Variants in TPO observed in about 807,000 individuals in gnomAD.
TPO encodes thyroid peroxidase.
TPO carries 78 observed loss-of-function variants against 96.9 expected under a neutral mutation model. That is an observed-to-expected ratio of 0.81 (90% CI 0.67 to 0.97). The LOEUF (loss-of-function observed/expected upper bound fraction) is 0.97, where lower values mean the gene tolerates loss of function less well. TPO is among the 50% of genes least tolerant of loss of function. The probability of loss-of-function intolerance (pLI) is 0.00; values close to 1 mark genes in which losing one functional copy is unlikely to be tolerated. For synonymous variants in TPO, 547 were observed against 538.0 expected, an observed-to-expected ratio of 1.02 and a Z score of -0.23; for missense variants, 1,252 against 1,274.8, an observed-to-expected ratio of 0.98 and a Z score of 0.27.
chr2:1,505,996 A>T (rs1368730669), intron 14 of TPO, among the ~76,000 whole-genome samples: 1 of 133,848 alleles, frequency 7.5e-6, no homozygotes, highest in Non-Finnish European at 1.7e-5. Flanking sequence ...ATATCTCCTA[A>T]TTTAACATTT....
At chr2:1,524,565 AC>A (rs1339913654) in intron 15 of TPO, among the ~76,000 whole-genome samples, 3 of 65,458 alleles carry the variant, frequency 4.6e-5, no homozygotes, top group African/African-American at 1.3e-4. Flanking sequence ...ACTGTGTGCA[AC>A]CCCCCCAATC....
intron 14 of TPO, among the ~76,000 whole-genome samples, chr2:1,515,506 G>A (rs1010967286): frequency 6.6e-6 from 1 of 152,162 alleles, no homozygotes; most frequent in Non-Finnish European, 1.5e-5. Flanking sequence ...GTCAGGATGC[G>A]CATTTAGGGT....
At chr2:1,407,057 G>A (rs1025417934) in intron 1 of TPO, among the ~76,000 whole-genome samples, 6 of 152,224 alleles carry the variant, frequency 3.9e-5, no homozygotes, top group African/African-American at 1.4e-4. Flanking sequence ...GGTGAGCAAT[G>A]TAAGTATTGT....
intron 1 of TPO, among the ~76,000 whole-genome samples, chr2:1,377,006 T>C (rs1661732858): frequency 6.6e-6 from 1 of 152,196 alleles, no homozygotes; most frequent in African/African-American, 2.4e-5. Context: ...AATATGGAAT[T>C]TGGCTAGGGA....
intron 7 of TPO, 66 bp from the exon 8 acceptor site, chr2:1,477,016 TCGAA>T: frequency 6.5e-7 from 1 of 1,533,626 alleles, no homozygotes; most frequent in Admixed American, 1.9e-5. Flanking sequence ...GTCGCCGGCC[TCGAA>T]CTTCCAGAGT....
intron 3 of TPO, among the ~76,000 whole-genome samples, chr2:1,424,694 G>T (rs772420148): frequency 6.6e-6 from 1 of 152,120 alleles, no homozygotes; most frequent in Non-Finnish European, 1.5e-5. Context: ...TTCCAACTAT[G>T]TTTCTTTCCT....
chr2:1,521,205 C>T (rs1257977950), intron 15 of TPO, among the ~76,000 whole-genome samples: 5 of 152,202 alleles, frequency 3.3e-5, no homozygotes, highest in African/African-American at 7.2e-5. Flanking sequence ...GGGAAAGCCG[C>T]GAGGTCCTTC....
intron 3 of TPO, among the ~76,000 whole-genome samples, chr2:1,427,438 G>A (rs1356065706): frequency 2.6e-5 from 4 of 152,190 alleles, no homozygotes. Context: ...TGGGCCACCT[G>A]GCCAGGTGTG....
chr2:1,516,816 G>A (rs1288243289), intron 14 of TPO, 67 bp from the exon 15 acceptor site: 2 of 1,481,316 alleles, frequency 1.4e-6, no homozygotes, highest in Middle Eastern at 2.1e-4. Context: ...CCCAGACTCA[G>A]GCAGGACAAC....
chr2:1,502,129 G>A (rs1345203988), intron 13 of TPO, among the ~76,000 whole-genome samples: 1 of 152,008 alleles, frequency 6.6e-6, no homozygotes, highest in African/African-American at 2.4e-5. Context: ...TTTTTCACAC[G>A]ATCATGATGG....
Position 1,477,237 on chromosome 2 carries a change from T to C in TPO, c.971T>C (p.Leu324Pro). 6.2e-7 allele frequency: 1 copy of C among 1,608,860 alleles called. No individual in the cohort carries two copies. Among genetic ancestry groups the C allele is most frequent in the Non-Finnish European group, 8.5e-7 (1 of 1,178,618 alleles). Reference sequence around the variant, plus strand: ...CAGATGAACGGGTTGACCTCGTTCCTGGACGCGTCCACCGTGTATGGCAGC... The same window carrying C: ...CAGATGAACGGGTTGACCTCGTTCCCGGACGCGTCCACCGTGTATGGCAGC... ...RQQMNGLTSF[L>P]DASTVYGSSP... The change falls in exon 8 of 17, where the codon CTG becomes CCG. Residue 324 changes from leucine to proline, a missense_variant. By Grantham distance (98) the Leu-to-Pro change is moderately conservative. Coordinates refer to ENST00000329066, the MANE Select transcript of TPO (RefSeq NM_001206744.2).
intron 5 of TPO, among the ~76,000 whole-genome samples, chr2:1,442,218 C>T (rs1364611120): frequency 2.6e-5 from 4 of 152,102 alleles, no homozygotes; most frequent in African/African-American, 9.7e-5. Flanking sequence ...CAGACTAATA[C>T]AGATGGAGTA....
chr2:1,394,731 C>G (rs1013281090), intron 1 of TPO, among the ~76,000 whole-genome samples: 24 of 152,198 alleles, frequency 1.6e-4, no homozygotes, highest in African/African-American at 5.8e-4. Context: ...GTCTAATGCT[C>G]TGCTGTCACT....
chr2:1,436,041 C>T (rs952317196), intron 4 of TPO, among the ~76,000 whole-genome samples: 1 of 152,146 alleles, frequency 6.6e-6, no homozygotes, highest in African/African-American at 2.4e-5. Flanking sequence ...TTTAAAACCC[C>T]CACATTTCTA....
chr2:1,477,110 G>A lies in TPO; in HGVS notation c.844G>A (p.Ala282Thr), dbSNP rs1670024498. 1 of 1,606,504 alleles carries A rather than the reference G, an allele frequency of 6.2e-7. No individual in the cohort carries two copies. Among genetic ancestry groups the A allele is most frequent in the African/African-American group, 1.3e-5 (1 of 74,966 alleles). ...IQLPEEARPA[A>T]GTACLPFYRS... is the part of the protein sequence containing the mutation. ...GCTCCCGGAGGAGGCCCGGCCGGCC[G>A]CGGGCACCGCCTGTCTGCCCTTCTA... Residue 282 changes from alanine (A) to threonine (T), a missense_variant, in exon 8 of 17, where the codon GCG becomes ACG. Coordinates refer to ENST00000329066, the MANE Select transcript of TPO (RefSeq NM_001206744.2).
At chr2:1,471,423 CTA>C (rs1669398779) in intron 7 of TPO, among the ~76,000 whole-genome samples, 1 of 151,732 alleles carries the variant, frequency 6.6e-6, no homozygotes, top group African/African-American at 2.4e-5. Flanking sequence ...GTAGTTAAGA[CTA>C]TGTATTTTCC....
chr2:1,486,754 G>A (rs1229446234), intron 9 of TPO, among the ~76,000 whole-genome samples: 3 of 152,060 alleles, frequency 2.0e-5, no homozygotes, highest in Admixed American at 6.5e-5. Context: ...AGTCCTTCTG[G>A]GAGCTTCTAA....
intron 1 of TPO, 173 bp from the exon 2 acceptor site, chr2:1,414,235 C>A: frequency 1.5e-6 from 1 of 663,222 alleles, no homozygotes; most frequent in South Asian, 1.6e-5. Flanking sequence ...AACCTCCTGA[C>A]ATGGACGGCG....
intron 15 of TPO, among the ~76,000 whole-genome samples, chr2:1,532,953 A>C (rs1172058940): frequency 9.1e-6 from 1 of 110,126 alleles, no homozygotes; most frequent in African/African-American, 4.1e-5. Flanking sequence ...AACCTCCTCA[A>C]ATCCCCCCAC....
Sources: gnomAD v4.1 joint callset for allele counts (sites outside exome capture counted in the v4.1 genomes callset) on GRCh38, gnomAD v4.1.1 for gene constraint, MANE v1.5 for transcripts, NCBI Gene and HGNC (gene_info 2026-07-23, HGNC 2026-07-21) for gene names.